Variants in ST6GAL2 observed in about 807,000 individuals in gnomAD.
ST6GAL2 encodes the protein ST6 beta-galactoside alpha-2,6-sialyltransferase 2, also known as beta-galactoside alpha-2,6-sialyltransferase 2.
In ST6GAL2, 24 loss-of-function variants were observed where a neutral mutation model predicts 37.5. The observed-to-expected ratio is 0.64, with a 90% CI of 0.46 to 0.90. The LOEUF (loss-of-function observed/expected upper bound fraction) is 0.90. Among genes scored for constraint, ST6GAL2 ranks in the 40% least tolerant of loss-of-function variants. The pLI is 0.00. For synonymous variants in ST6GAL2, 306 were observed against 295.1 expected (o/e 1.04, Z -0.38); for missense variants, 715 against 712.7 (o/e 1.00, Z -0.04).
intron 5 of ST6GAL2, among the ~76,000 whole-genome samples, chr2:106,814,598 G>A (rs1214284547): frequency 6.6e-6 from 1 of 152,162 alleles, no homozygotes; most frequent in Non-Finnish European, 1.5e-5. Context: ...GTTGGGCAGA[G>A]GCCCTGGCTA....
chr2:106,839,084 A>G (rs943191590), intron 2 of ST6GAL2, among the ~76,000 whole-genome samples: 1 of 152,128 alleles, frequency 6.6e-6, no homozygotes, highest in Non-Finnish European at 1.5e-5. Flanking sequence ...CATTTTGAAC[A>G]GGGCCTTGTC....
intron 1 of ST6GAL2, among the ~76,000 whole-genome samples, chr2:106,855,057 A>G (rs1169748893): frequency 1.3e-5 from 2 of 152,322 alleles, no homozygotes; most frequent in East Asian, 3.9e-4. Flanking sequence ...TTATGCTGCT[A>G]TAATTCAGCA....
At chr2:106,816,621 C>A in intron 5 of ST6GAL2, among the ~76,000 whole-genome samples, 1 of 152,088 alleles carries the variant, frequency 6.6e-6, no homozygotes, top group East Asian at 1.9e-4. Context: ...AACTTCAGTA[C>A]ACATTAGTTT....
At chr2:106,871,054 G>A (rs1164409922) in intron 1 of ST6GAL2, among the ~76,000 whole-genome samples, 1 of 152,196 alleles carries the variant, frequency 6.6e-6, no homozygotes, top group Admixed American at 6.5e-5. Flanking sequence ...AGATGGTACA[G>A]CCTACTGCAC....
At chr2:106,862,324 C>T (rs1185442254) in intron 1 of ST6GAL2, among the ~76,000 whole-genome samples, 1 of 152,234 alleles carries the variant, frequency 6.6e-6, no homozygotes, top group Non-Finnish European at 1.5e-5. Context: ...AGCTATATTA[C>T]ACTGACTTAA....
At chr2:106,853,469 T>C (rs974239812) in intron 1 of ST6GAL2, among the ~76,000 whole-genome samples, 1 of 152,142 alleles carries the variant, frequency 6.6e-6, no homozygotes, top group Non-Finnish European at 1.5e-5. Context: ...ACAAGCAATA[T>C]GGATTAAAGT....
chr2:106,852,943 A>T (rs1051070253), intron 1 of ST6GAL2, among the ~76,000 whole-genome samples: 4 of 152,198 alleles, frequency 2.6e-5, no homozygotes, highest in African/African-American at 9.7e-5. Flanking sequence ...TCTTGACAAC[A>T]AATTCCTTAG....
At chr2:106,823,305 T>C (rs1003094337) in intron 5 of ST6GAL2, among the ~76,000 whole-genome samples, 6 of 152,088 alleles carry the variant, frequency 3.9e-5, no homozygotes, top group Non-Finnish European at 8.8e-5. Context: ...TATGGGGTAC[T>C]AGATCAATGA....
At chr2:106,886,244 C>A (rs1431502658), upstream of ST6GAL2, 2 of 152,212 alleles carry the variant, frequency 1.3e-5, no homozygotes, top group African/African-American at 4.8e-5. Context: ...CCCACACTCA[C>A]GCTGGCGCCC....
intron 1 of ST6GAL2, among the ~76,000 whole-genome samples, chr2:106,861,111 T>C (rs1389016206): frequency 6.6e-6 from 1 of 152,118 alleles, no homozygotes; most frequent in Non-Finnish European, 1.5e-5. Flanking sequence ...CATCAGACTA[T>C]GAACATAAAA....
chr2:106,832,130 G>T (rs1676448006), intron 4 of ST6GAL2, among the ~76,000 whole-genome samples: 1 of 152,152 alleles, frequency 6.6e-6, no homozygotes, highest in Non-Finnish European at 1.5e-5. Context: ...CCTGGAACAG[G>T]CCCCATTTAA....
chr2:106,813,336 GATA>G lies in ST6GAL2; in HGVS notation c.1319-6390_1319-6388del. ...TGCTTTTAAACATCATATAACGCAA[GATA>G]ATTATCAAACCATTTAAAAAGCATT... On this transcript the variant is annotated intron_variant, in intron 5 of 5. Transcript: ENST00000409382. 15 of 655,604 alleles carry G rather than the reference GATA, an allele frequency of 2.3e-5. 1 individual carries two copies. Among genetic ancestry groups the G allele is most frequent in the Non-Finnish European group, 3.3e-5 (15 of 460,772 alleles). 40.6% of individuals were successfully genotyped at this position (655,604 alleles called of 1,614,324 possible).
intron 2 of ST6GAL2, among the ~76,000 whole-genome samples, chr2:106,842,661 A>C (rs1676939736): frequency 6.6e-6 from 1 of 152,178 alleles, no homozygotes; most frequent in Non-Finnish European, 1.5e-5. Flanking sequence ...GCCTGGGGGC[A>C]TATCCATGCA....
In ST6GAL2 at chr2:106,843,990, C is replaced by T. The variant is rs774886538; in HGVS notation, c.-13G>A. ...AGTGTGGTTTCATGGCAGGTCTCTG[C>T]GGTCAGCACCTTGTGTCTTAATGCA... On this transcript the variant is annotated 5_prime_UTR_variant, in exon 2 of 6. Coordinates refer to ENST00000409382, the MANE Select transcript of ST6GAL2 (RefSeq NM_001142351.2). The T allele has an allele frequency of 1.3e-6, 2 of 1,549,022 alleles. No homozygotes were observed. Among genetic ancestry groups the T allele is most frequent in the South Asian group, 1.2e-5 (1 of 85,146 alleles).
At chr2:106,814,934 A>G (rs761794298) in intron 5 of ST6GAL2, among the ~76,000 whole-genome samples, 1 of 152,218 alleles carries the variant, frequency 6.6e-6, no homozygotes, top group Non-Finnish European at 1.5e-5. Context: ...GTAGCTCCCA[A>G]TGGGCTGAGT....
intron 2 of ST6GAL2, chr2:106,835,019 G>A (rs193193098): frequency 1.3e-5 from 2 of 152,274 alleles, no homozygotes; most frequent in Non-Finnish European, 2.9e-5. Context: ...TGAACAGTGG[G>A]AGGCACAGGA....
intron 5 of ST6GAL2, among the ~76,000 whole-genome samples, chr2:106,822,173 G>T (rs1481448858): frequency 6.6e-6 from 1 of 152,074 alleles, no homozygotes; most frequent in African/African-American, 2.4e-5. Flanking sequence ...TCAGAGAAGA[G>T]AAAGAAGTAA....
At chr2:106,828,845 T>C (rs918337852) in intron 5 of ST6GAL2, among the ~76,000 whole-genome samples, 5 of 151,996 alleles carry the variant, frequency 3.3e-5, no homozygotes, top group Non-Finnish European at 7.4e-5. Flanking sequence ...TCGGGTAATA[T>C]CAAAGAAACA....
chr2:106,812,557 G>A (rs1277614502), intron 5 of ST6GAL2, among the ~76,000 whole-genome samples: 1 of 152,180 alleles, frequency 6.6e-6, no homozygotes, highest in East Asian at 1.9e-4. Flanking sequence ...ATCAGTTAGA[G>A]GGGTGGGAAC....
Sources: gnomAD v4.1 joint callset for allele counts (sites outside exome capture counted in the v4.1 genomes callset) on GRCh38, gnomAD v4.1.1 for gene constraint, MANE v1.5 for transcripts, NCBI Gene and HGNC (gene_info 2026-07-23, HGNC 2026-07-21) for gene names.